Variants in EXOC4 observed in about 807,000 individuals in gnomAD.
The protein encoded by EXOC4 is SEC8-like 1.
EXOC4 carries 71 observed loss-of-function variants against 107.2 expected under a neutral mutation model. The observed-to-expected ratio is 0.66, with a 90% CI of 0.55 to 0.81. The LOEUF is 0.81. Ranked by LOEUF, EXOC4 falls within the 30% of genes least tolerant of loss-of-function variation. The pLI, the probability that EXOC4 is intolerant of heterozygous loss-of-function variation, is 0.00. For missense variants in EXOC4, 1,108 were observed against 1,189.6 expected, an observed-to-expected ratio of 0.93 and a Z score of 1.01; for synonymous variants, 456 against 441.2, an observed-to-expected ratio of 1.03 and a Z score of -0.42.
intron 12 of EXOC4, among the ~76,000 whole-genome samples, chr7:133,907,938 C>A (rs1799606147): frequency 6.6e-6 from 1 of 152,182 alleles, no homozygotes; most frequent in East Asian, 1.9e-4. Context: ...TTTCCACACA[C>A]CTGTCTGCAG....
At chr7:133,833,336 A>G (rs1384874460) in intron 11 of EXOC4, among the ~76,000 whole-genome samples, 2 of 152,128 alleles carry the variant, frequency 1.3e-5, no homozygotes, top group African/African-American at 4.8e-5. Flanking sequence ...TATTTTACCA[A>G]GTCATTTAGA....
At chr7:133,711,720 T>A (rs554827458) in intron 10 of EXOC4, among the ~76,000 whole-genome samples, 3 of 152,298 alleles carry the variant, frequency 2.0e-5, no homozygotes, top group Admixed American at 2.0e-4. Context: ...TAGCATTTAG[T>A]TTTTTCCTAG....
At chr7:133,777,942 G>T (rs1001754697) in intron 10 of EXOC4, among the ~76,000 whole-genome samples, 7 of 152,096 alleles carry the variant, frequency 4.6e-5, no homozygotes, top group Admixed American at 3.9e-4. Flanking sequence ...TGTGCTTTCT[G>T]GAATTACATC....
intron 11 of EXOC4, among the ~76,000 whole-genome samples, chr7:133,890,615 G>T (rs1799185597): frequency 1.1e-5 from 1 of 88,590 alleles, no homozygotes; most frequent in Non-Finnish European, 2.0e-5. Context: ...GTGTAAGGAA[G>T]GGATCCAGTT....
intron 11 of EXOC4, among the ~76,000 whole-genome samples, chr7:133,888,272 G>A (rs1475583567): frequency 6.6e-6 from 1 of 152,104 alleles, no homozygotes; most frequent in Non-Finnish European, 1.5e-5. Flanking sequence ...CCCATAATCT[G>A]TATTTAAGCA....
chr7:133,841,723 A>G (rs957659309), intron 11 of EXOC4, among the ~76,000 whole-genome samples: 3 of 152,160 alleles, frequency 2.0e-5, no homozygotes, highest in African/African-American at 7.2e-5. Flanking sequence ...GGTAAATTGC[A>G]TGTTGCAGGG....
At position 133,967,798 on chromosome 7, in the gene EXOC4, A is replaced by G. The variant is rs552735399; in HGVS notation, c.2207-29694A>G. Among the ~76,000 whole-genome samples the G allele has an allele frequency of 6.9e-4, 105 of 152,260 alleles. 3 individuals are homozygous for G. In the South Asian group the frequency reaches 0.02, roughly 29 times the overall value. On this transcript the variant is annotated intron_variant, in intron 14 of 17. Coordinates refer to ENST00000253861, the MANE Select transcript of EXOC4 (RefSeq NM_021807.4). ...TGCAGTGTGGTACTGAGAATAATGT[A>G]TATTCTGTTGACTTGGGATGGAGAG...
intron 11 of EXOC4, among the ~76,000 whole-genome samples, chr7:133,835,076 G>A (rs868342837): frequency 6.6e-6 from 1 of 152,184 alleles, no homozygotes; most frequent in Non-Finnish European, 1.5e-5. Flanking sequence ...CAGCCATGTG[G>A]AACTGTAAAT....
intron 10 of EXOC4, among the ~76,000 whole-genome samples, chr7:133,646,273 C>T (rs937191456): frequency 2.9e-4 from 44 of 152,202 alleles, no homozygotes; most frequent in Middle Eastern, 3.4e-3. Context: ...TTTTGTCATA[C>T]ACTTTGGAGC....
chr7:133,628,859 A>G (rs1338993352), intron 9 of EXOC4, among the ~76,000 whole-genome samples: 3 of 152,194 alleles, frequency 2.0e-5, no homozygotes, highest in Non-Finnish European at 4.4e-5. Flanking sequence ...TAGCATCAAG[A>G]AAGCATCAAC....
At chr7:133,381,468 TGGCACTCCAGGCAGATGGAAA>T (rs1796617552) in intron 7 of EXOC4, among the ~76,000 whole-genome samples, 1 of 152,050 alleles carries the variant, frequency 6.6e-6, no homozygotes, top group South Asian at 2.1e-4. Flanking sequence ...AGATGGGAAA[TGGCACTCCAGGCAGATGGAAA>T]GGCTCATGAG....
At chr7:134,067,600 T>G, downstream of EXOC4, among the ~76,000 whole-genome samples, 1 of 147,574 alleles carries the variant, frequency 6.8e-6, no homozygotes, top group African/African-American at 2.6e-5. Context: ...GAAAAAGAGG[T>G]AGTTCATCAG....
At chr7:133,361,145 A>G (rs1282934731) in intron 6 of EXOC4, among the ~76,000 whole-genome samples, 1 of 152,216 alleles carries the variant, frequency 6.6e-6, no homozygotes, top group African/African-American at 2.4e-5. Flanking sequence ...CCAACAAATT[A>G]TATGTGGTCC....
chr7:133,282,748 T>A (rs528947193), intron 2 of EXOC4, among the ~76,000 whole-genome samples: 1 of 152,346 alleles, frequency 6.6e-6, no homozygotes, highest in African/African-American at 2.4e-5. Context: ...AATTAACATA[T>A]ACTTCACCTC....
At chr7:133,954,801 T>C (rs2346267) in intron 14 of EXOC4, among the ~76,000 whole-genome samples, 45,627 of 151,988 alleles carry the variant, frequency 0.3, 7,233 homozygotes, top group Non-Finnish European at 0.34. Context: ...CAAGTGAGCA[T>C]GGGCTCCAGC....
chr7:133,672,684 G>A (rs1793973965), intron 10 of EXOC4, among the ~76,000 whole-genome samples: 1 of 152,130 alleles, frequency 6.6e-6, no homozygotes, highest in African/African-American at 2.4e-5. Context: ...TATTCCAAAA[G>A]CAACAGATGG....
intron 14 of EXOC4, among the ~76,000 whole-genome samples, chr7:133,949,552 C>G (rs1340256305): frequency 6.6e-6 from 1 of 152,198 alleles, no homozygotes; most frequent in African/African-American, 2.4e-5. Context: ...TGGAAAACCC[C>G]TTTGGTCAAA....
intron 7 of EXOC4, among the ~76,000 whole-genome samples, chr7:133,409,572 C>A (rs1326164213): frequency 6.6e-6 from 1 of 152,174 alleles, no homozygotes; most frequent in Non-Finnish European, 1.5e-5. Context: ...TAACTCAGAG[C>A]AGTTCATATG....
At chr7:133,725,432 A>G (rs550138221) in intron 10 of EXOC4, among the ~76,000 whole-genome samples, 8 of 152,218 alleles carry the variant, frequency 5.3e-5, no homozygotes, top group Non-Finnish European at 1.2e-4. Context: ...CTGGAGTACA[A>G]TGGCGCGATC....
Sources: gnomAD v4.1 joint callset for allele counts (sites outside exome capture counted in the v4.1 genomes callset) on GRCh38, gnomAD v4.1.1 for gene constraint, MANE v1.5 for transcripts, NCBI Gene and HGNC (gene_info 2026-07-23, HGNC 2026-07-21) for gene names.